The following CWC22 variants were observed in gnomAD, a reference collection of about 807,000 sequenced individuals.
CWC22 encodes the protein pre-mRNA-splicing factor CWC22 homolog.
A neutral mutation model predicts 117.2 loss-of-function variants in CWC22; 53 were observed. That is an observed-to-expected ratio of 0.45 (90% CI 0.36 to 0.57). The LOEUF is 0.57. Among genes scored for constraint, CWC22 ranks in the 20% least tolerant of loss-of-function variants. CWC22 has a pLI of 0.00. For synonymous variants in CWC22, 360 were observed against 355.6 expected, an observed-to-expected ratio of 1.01 and a Z score of -0.14; for missense variants, 980 against 1,068.8, an observed-to-expected ratio of 0.92 and a Z score of 1.16.
intron 14 of CWC22, among the ~76,000 whole-genome samples, chr2:179,955,954 T>C (rs1686580879): frequency 6.6e-6 from 1 of 151,998 alleles, no homozygotes; most frequent in Non-Finnish European, 1.5e-5. Flanking sequence ...CTATAAAGAT[T>C]TACCAGAAAC....
intron 4 of CWC22, among the ~76,000 whole-genome samples, chr2:179,984,994 T>C (rs1575653737): frequency 6.6e-6 from 1 of 152,030 alleles, no homozygotes; most frequent in Non-Finnish European, 1.5e-5. Flanking sequence ...TGTTCAGACA[T>C]GGTAGTAGGA....
intron 4 of CWC22, among the ~76,000 whole-genome samples, chr2:179,982,491 T>C (rs1687309579): frequency 6.6e-6 from 1 of 152,212 alleles, no homozygotes; most frequent in Admixed American, 6.5e-5. Flanking sequence ...TAGCCTGTGG[T>C]GTATATGACA....
At chr2:179,998,084 T>C (rs994027600) in intron 1 of CWC22, among the ~76,000 whole-genome samples, 3 of 152,162 alleles carry the variant, frequency 2.0e-5, no homozygotes, top group African/African-American at 7.2e-5. Flanking sequence ...TTTATGAAAG[T>C]ATTCCCAAGG....
At chr2:179,982,877 C>G (rs1214334853) in intron 4 of CWC22, among the ~76,000 whole-genome samples, 2 of 152,114 alleles carry the variant, frequency 1.3e-5, no homozygotes, top group African/African-American at 4.8e-5. Context: ...AAACCCAGAT[C>G]ATTCTGTTTG....
chr2:179,981,624 C>G, intron 5 of CWC22, 128 bp downstream of exon 5: 1 of 694,646 alleles, frequency 1.4e-6, no homozygotes, highest in Non-Finnish European at 2.4e-6. Context: ...GTAAAGAGGT[C>G]TCTAATTTGA....
At chr2:180,003,611 A>G (rs2105568273) in intron 1 of CWC22, among the ~76,000 whole-genome samples, 1 of 152,332 alleles carries the variant, frequency 6.6e-6, no homozygotes, top group Middle Eastern at 3.4e-3. Context: ...ACTGCATTCT[A>G]CTACAGAGGC....
At chr2:179,986,061 C>T (rs1687411320) in intron 4 of CWC22, among the ~76,000 whole-genome samples, 1 of 151,994 alleles carries the variant, frequency 6.6e-6, no homozygotes, top group Admixed American at 6.6e-5. Flanking sequence ...TTAAATATTA[C>T]CCCTAGGAGT....
rs1182086370 is a variant in CWC22, at chr2:179,973,716, T to G, written c.668A>C (p.Asn223Thr). 17 of 1,610,052 alleles carry G rather than the reference T, an allele frequency of 1.1e-5. No homozygotes were observed. Among genetic ancestry groups the G allele is most frequent in the Non-Finnish European group, 1.4e-5 (17 of 1,176,738 alleles). Residue 223 changes from asparagine (N) to threonine (T), a missense_variant, in exon 7 of 20, where the codon AAC becomes ACC. By Grantham distance (65) the Asn-to-Thr change is moderately conservative (BLOSUM62 0). Coordinates refer to ENST00000410053, the MANE Select transcript of CWC22 (RefSeq NM_020943.3). ...TTCTCCAATTTGTGGAAATTTTGAGTTGATAATTGCCACTAATGCTGCATA... is the reference window on the plus strand; with the variant it reads ...TTCTCCAATTTGTGGAAATTTTGAGGTGATAATTGCCACTAATGCTGCATA... ...HVYAALVAII[N>T]SKFPQIGELI...
At chr2:179,987,794 T>C (rs1575655098) in intron 3 of CWC22, among the ~76,000 whole-genome samples, 1 of 152,226 alleles carries the variant, frequency 6.6e-6, no homozygotes, top group East Asian at 1.9e-4. Flanking sequence ...GAAATAATTG[T>C]AGTGCTAATA....
chr2:179,974,893 T>C (rs13026362), intron 6 of CWC22, among the ~76,000 whole-genome samples: 22,881 of 152,026 alleles, frequency 0.15, 2,111 homozygotes, highest in Admixed American at 0.29. Context: ...CTGGGACTAC[T>C]GTGTGCCACC....
Position 180,006,879 on chromosome 2 carries a change from A to T in CWC22, c.-126T>A, listed in dbSNP as rs1456006597. The T allele has an allele frequency of 6.6e-6, 1 of 152,554 alleles. No individual in the cohort carries two copies. Among genetic ancestry groups the T allele is most frequent in the Non-Finnish European group, 1.5e-5 (1 of 68,322 alleles). The allele number at this position is 152,554 out of a possible 1,614,324, so 9.5% of individuals were successfully genotyped here. ...ATTCCCTCCCCACCTGCTTGGACCT[A>T]GCCGCTCTCACACCCCTCTTGCGGG... On this transcript the variant is annotated 5_prime_UTR_variant, in exon 1 of 20. Transcript: ENST00000410053.
At chr2:179,992,143 C>G (rs935296839) in intron 2 of CWC22, among the ~76,000 whole-genome samples, 1 of 152,162 alleles carries the variant, frequency 6.6e-6, no homozygotes, top group East Asian at 1.9e-4. Flanking sequence ...GGAGTGCCTA[C>G]ATTTATAATC....
At chr2:179,991,117 T>C (rs1054356265) in intron 2 of CWC22, among the ~76,000 whole-genome samples, 1 of 152,162 alleles carries the variant, frequency 6.6e-6, no homozygotes, top group East Asian at 1.9e-4. Flanking sequence ...AAAACAAATA[T>C]GGTGACATCA....
chr2:179,953,721 C>T (rs1686513809), intron 16 of CWC22, among the ~76,000 whole-genome samples: 1 of 152,114 alleles, frequency 6.6e-6, no homozygotes, highest in Non-Finnish European at 1.5e-5. Context: ...ATAGGATATC[C>T]TCTCTATAGC....
chr2:179,954,801 G>A (rs1406733813), intron 15 of CWC22, among the ~76,000 whole-genome samples, 156 bp downstream of exon 15: 7 of 152,028 alleles, frequency 4.6e-5, no homozygotes, highest in Non-Finnish European at 1.0e-4. Flanking sequence ...TAGAAAAAGA[G>A]GAAGGTGAAG....
Position 179,970,749 on chromosome 2 carries a change from G to A in CWC22, c.1048C>T (p.His350Tyr). The A allele has an allele frequency of 6.2e-7, 1 of 1,613,504 alleles. No individual in the cohort carries two copies. Among genetic ancestry groups the A allele is most frequent in the Non-Finnish European group, 8.5e-7 (1 of 1,179,618 alleles). ...FAVRKDGFKD[H>Y]PIILEGLDLV... is the part of the protein sequence containing the mutation. ...TCAAGACCTTCTAGGATAATGGGGT[G>A]GTCCTTGAATCCATCTTTCCGTACA... The change falls in exon 10 of 20, where the codon CAC becomes TAC. Residue 350 changes from histidine (H) to tyrosine (Y), a missense_variant. Coordinates refer to ENST00000410053, the MANE Select transcript of CWC22 (RefSeq NM_020943.3).
chr2:179,960,676 G>C (rs1484446074), intron 13 of CWC22, among the ~76,000 whole-genome samples: 18 of 151,912 alleles, frequency 1.2e-4, no homozygotes, highest in Non-Finnish European at 2.5e-4. Flanking sequence ...ATTAGTATTT[G>C]AAATTTGCTC....
At chr2:179,982,248 G>A (rs1575652533) in intron 4 of CWC22, among the ~76,000 whole-genome samples, 1 of 152,198 alleles carries the variant, frequency 6.6e-6, no homozygotes, top group Admixed American at 6.5e-5. Flanking sequence ...GCAACTAGTA[G>A]AAGAGGGAAT....
Position 179,950,875 on chromosome 2 carries a change from G to A in CWC22, c.1869C>T (p.Asn623=). The A allele has an allele frequency of 6.3e-7, 1 of 1,593,394 alleles. No homozygotes were observed. Among genetic ancestry groups the A allele is most frequent in the Non-Finnish European group, 8.6e-7 (1 of 1,168,630 alleles). ...TAAAGAAGTTGATGGCAAACCGAGTGTTTCTTGGATTATCTCGGGGTAATA... is the reference window on the plus strand; with the variant it reads ...TAAAGAAGTTGATGGCAAACCGAGTATTTCTTGGATTATCTCGGGGTAATA... ...EGLLPRDNPR[N]TRFAINFFTS... The change falls in exon 18 of 20, where the codon AAC becomes AAT. Residue 623 remains asparagine (N), a synonymous_variant. Transcript: ENST00000410053.
Sources: gnomAD v4.1 joint callset for allele counts (sites outside exome capture counted in the v4.1 genomes callset) on GRCh38, gnomAD v4.1.1 for gene constraint, MANE v1.5 for transcripts, NCBI Gene and HGNC (gene_info 2026-07-23, HGNC 2026-07-21) for gene names.